SIRPA: variants seen among roughly 807,000 people sequenced by gnomAD.
SIRPA encodes the protein signal regulatory protein alpha.
In SIRPA, 9 loss-of-function variants were observed where a neutral mutation model predicts 50.3. The observed-to-expected ratio is 0.18, with a 90% confidence interval of 0.11 to 0.31. The LOEUF (loss-of-function observed/expected upper bound fraction) is 0.31. Ranked by LOEUF, SIRPA falls within the 10% of genes least tolerant of loss-of-function variation. The pLI, the probability that SIRPA is intolerant of heterozygous loss-of-function variation, is 1.00. For missense variants in SIRPA, 474 were observed against 661.6 expected, an observed-to-expected ratio of 0.72 and a Z score of 3.11; for synonymous variants, 265 against 284.1, an observed-to-expected ratio of 0.93 and a Z score of 0.68.
chr20:1,939,201 T>G lies in SIRPA; in HGVS notation c.*1633T>G, dbSNP rs1986758051. The stretch of plus-strand genomic sequence containing the variant: ...CAGTCTTCACTATAACTCTTAGAGT[T>G]GAGACGCTAATGTTCATGACTCCTG... On this transcript the variant is annotated 3_prime_UTR_variant, in exon 8 of 8. Transcript: ENST00000358771. This position sits in a 1 kb window ranked among gnomAD's most constrained non-coding sequence, Gnocchi z 4.7. The G allele has an allele frequency of 6.6e-6, 1 of 152,178 alleles. No individual in the cohort carries two copies. The highest frequency in any genetic ancestry group is 1.5e-5 in the Non-Finnish European group (1 of 68,040). 9.4% of individuals were successfully genotyped at this position (152,178 alleles called of 1,614,324 possible).
In SIRPA at chr20:1,937,627, C is replaced by G. The variant is rs1233854521; in HGVS notation, c.*59C>G. 6.3e-7 allele frequency: 1 copy of G among 1,582,496 alleles called. No homozygotes were observed. Among genetic ancestry groups the G allele is most frequent in the African/African-American group, 1.3e-5 (1 of 74,506 alleles). Reference sequence around the variant, plus strand: ...ACGCGCTTTCTTGTCCCACAGGGAGCCGCCGTGATGAGCACAGCCAACCCA... The same window carrying G: ...ACGCGCTTTCTTGTCCCACAGGGAGGCGCCGTGATGAGCACAGCCAACCCA... On this transcript the variant is annotated 3_prime_UTR_variant, in exon 8 of 8. Coordinates refer to ENST00000358771, the MANE Select transcript of SIRPA (RefSeq NM_001040023.2). The surrounding 1 kb of genome is among the most constrained non-coding windows in gnomAD (Gnocchi z 8.3).
At chr20:1,921,262 G>T (rs907293647) in intron 2 of SIRPA, 133 bp from the exon 3 acceptor site, 8 of 1,492,420 alleles carry the variant, frequency 5.4e-6, no homozygotes, top group African/African-American at 1.4e-5. Context: ...TAAGGACACC[G>T]CCCTCATTAA....
At chr20:1,901,568 A>G (rs936325774) in intron 1 of SIRPA, among the ~76,000 whole-genome samples, 20 of 152,048 alleles carry the variant, frequency 1.3e-4, no homozygotes, top group African/African-American at 4.3e-4. Flanking sequence ...GGAAGCATCT[A>G]TTTTCACAGC....
chr20:1,915,150 T>C lies in SIRPA; in HGVS notation c.131T>C (p.Leu44Ser), dbSNP rs143735290. The stretch of plus-strand genomic sequence containing the variant: ...GTGATTCAGCCTGACAAGTCCGTGT[T>C]GGTTGCAGCTGGAGAGACAGCCACT... ...LQVIQPDKSVLVAAGETATLR... is the reference protein window; with the variant it reads ...LQVIQPDKSVSVAAGETATLR... Residue 44 changes from leucine to serine, a missense_variant, in exon 2 of 8, where the codon TTG (leucine) becomes TCG (serine). This residue lies in a region of SIRPA where 72 missense variants were observed against 76.2 expected (regional missense o/e 0.94). Coordinates refer to ENST00000358771, the MANE Select transcript of SIRPA (RefSeq NM_001040023.2). The C allele has an allele frequency of 0.29, 364,327 of 1,245,854 alleles. 95,695 individuals carry two copies. Among genetic ancestry groups the C allele is most frequent in the East Asian group, 0.65 (25,831 of 39,590 alleles). 77.2% of individuals were successfully genotyped at this position (1,245,854 alleles called of 1,614,324 possible). A position where few individuals can be genotyped will look rare whatever the true frequency, so the allele number is the denominator to read the frequency against.
intron 2 of SIRPA, among the ~76,000 whole-genome samples, chr20:1,917,342 CCT>C (rs1270402979): frequency 6.6e-6 from 1 of 152,170 alleles, no homozygotes; most frequent in Non-Finnish European, 1.5e-5. Context: ...ACTCACAGCC[CCT>C]GTCTCTGTAA....
intron 2 of SIRPA, 85 bp downstream of exon 2, chr20:1,915,540 G>A (rs565391749): frequency 6.6e-7 from 1 of 1,505,040 alleles, no homozygotes; most frequent in Admixed American, 1.7e-5. Flanking sequence ...CAATGATCAG[G>A]TGTGGTGGTA....
intron 1 of SIRPA, among the ~76,000 whole-genome samples, chr20:1,904,717 C>G (rs1220272169): frequency 6.6e-6 from 1 of 152,184 alleles, no homozygotes; most frequent in African/African-American, 2.4e-5. Flanking sequence ...GCGGGGAGAC[C>G]TGGAACCCAC....
At chr20:1,910,960 C>A (rs1162391798) in intron 1 of SIRPA, among the ~76,000 whole-genome samples, 1 of 151,930 alleles carries the variant, frequency 6.6e-6, no homozygotes, top group Admixed American at 6.6e-5. Flanking sequence ...AAAACATAAA[C>A]AAGAGCAAAA....
chr20:1,894,700 C>T (rs1186999036), upstream of SIRPA: 1 of 148,774 alleles, frequency 6.7e-6, no homozygotes, highest in Non-Finnish European at 1.5e-5. This position sits in a 1 kb window ranked among gnomAD's most constrained non-coding sequence, Gnocchi z 4.0. Flanking sequence ...CGGGCGCCGG[C>T]GCGGGGGAGG....
At chr20:1,897,983 G>A (rs1983927819) in intron 1 of SIRPA, among the ~76,000 whole-genome samples, 1 of 152,228 alleles carries the variant, frequency 6.6e-6, no homozygotes, top group South Asian at 2.1e-4. Flanking sequence ...ACCTGATTTT[G>A]TGTCAGCAGG....
rs1321243845 is a variant in SIRPA at position 1,912,576 on chromosome 20, T to A, written c.80-2523T>A. 3.3e-5 allele frequency among the ~76,000 whole-genome samples: 5 copies of A among 152,254 alleles called. No homozygotes were observed. The East Asian group carries it at 9.6e-4, about 29-fold the overall frequency. On this transcript the variant is annotated intron_variant, in intron 1 of 7. Transcript: ENST00000358771. ...CATCCTACTATTGGGAATGTGACAA[T>A]CCAGAGAAAATCAAATATGTGAATA...
intron 5 of SIRPA, among the ~76,000 whole-genome samples, chr20:1,925,516 C>T (rs930963620): frequency 6.6e-5 from 10 of 152,214 alleles, no homozygotes; most frequent in Non-Finnish European, 1.5e-4. Flanking sequence ...AAACCCAGGA[C>T]ACCGCTTCCC....
At chr20:1,902,684 G>T (rs548711200) in intron 1 of SIRPA, among the ~76,000 whole-genome samples, 33 of 152,286 alleles carry the variant, frequency 2.2e-4, no homozygotes, top group African/African-American at 7.2e-4. Context: ...AGGACAGAGG[G>T]AGGGCCGCTC....
chr20:1,936,042 A>G lies in SIRPA; in HGVS notation c.1267-1278A>G, dbSNP rs1047596463. 6.6e-6 allele frequency among the ~76,000 whole-genome samples: 1 copy of G among 152,018 alleles called. No homozygotes were observed. Among genetic ancestry groups the G allele is most frequent in the Non-Finnish European group, 1.5e-5 (1 of 68,014 alleles). The stretch of plus-strand genomic sequence containing the variant: ...CTTCAGCCGTAAAGTGGAATAGATA[A>G]TCCTTCCCAAGCAGGGTTGTGGTAA... On this transcript the variant is annotated intron_variant, in intron 7 of 7. Transcript: ENST00000358771. The surrounding 1 kb of genome is among the most constrained non-coding windows in gnomAD (Gnocchi z 4.2).
upstream of SIRPA, chr20:1,894,911 C>T (rs984538879): frequency 2.7e-5 from 4 of 146,558 alleles, no homozygotes; most frequent in Non-Finnish European, 4.5e-5. The surrounding 1 kb of genome is among the most constrained non-coding windows in gnomAD (Gnocchi z 4.0). Flanking sequence ...GCGGCCGGGA[C>T]TGCGGGCCGG....
rs1986096004 is a variant in SIRPA at position 1,928,083 on chromosome 20, G to A, written c.1226+184G>A. Reference sequence around the variant, plus strand: ...GTTTTTAATTATTGTCCCAAATGAGGGGTTTTTTTGGTGCACAGAGGTGCT... The same window carrying A: ...GTTTTTAATTATTGTCCCAAATGAGAGGTTTTTTTGGTGCACAGAGGTGCT... On this transcript the variant is annotated intron_variant, in intron 6 of 7. Transcript: ENST00000358771. This position sits in a 1 kb window ranked among gnomAD's most constrained non-coding sequence, Gnocchi z 4.9. 6.6e-6 allele frequency among the ~76,000 whole-genome samples: 1 copy of A among 152,084 alleles called. No homozygotes were observed. The highest frequency in any genetic ancestry group is 2.4e-5 in the African/African-American group (1 of 41,400).
intron 1 of SIRPA, among the ~76,000 whole-genome samples, chr20:1,912,305 G>A (rs889287858): frequency 5.3e-5 from 8 of 152,200 alleles, no homozygotes; most frequent in Admixed American, 1.3e-4. Flanking sequence ...AGCCCCTTGT[G>A]GTGTTATTGA....
At chr20:1,929,911 C>T (rs994828907) in intron 6 of SIRPA, among the ~76,000 whole-genome samples, 2 of 152,118 alleles carry the variant, frequency 1.3e-5, no homozygotes, top group African/African-American at 4.8e-5. Flanking sequence ...CCCTTGTGGT[C>T]CAGTTGCCTT....
chr20:1,896,130 T>C (rs1042034104), intron 1 of SIRPA, among the ~76,000 whole-genome samples: 1 of 152,186 alleles, frequency 6.6e-6, no homozygotes, highest in Non-Finnish European at 1.5e-5. Flanking sequence ...CAGATCCTTA[T>C]GTAAAAACAC....
Sources: gnomAD v4.1 joint callset for allele counts (sites outside exome capture counted in the v4.1 genomes callset) on GRCh38, gnomAD v4.1.1 for gene constraint, gnomAD v4.1.1 regional missense constraint, Gnocchi (gnomAD v3.1) non-coding constraint, MANE v1.5 for transcripts, NCBI Gene and HGNC (gene_info 2026-07-23, HGNC 2026-07-21) for gene names.